Variants in FUT8 observed in about 807,000 individuals in gnomAD.
The protein encoded by FUT8 is alpha-(1,6)-fucosyltransferase.
In FUT8, 29 loss-of-function variants were observed where a neutral mutation model predicts 71.3. The observed-to-expected ratio is 0.41, with a 90% CI of 0.30 to 0.55. The LOEUF (loss-of-function observed/expected upper bound fraction) is 0.55. FUT8 is among the 20% of genes least tolerant of loss of function. FUT8 has a pLI of 0.34. For missense variants in FUT8, 544 were observed against 702.1 expected (o/e 0.77, Z 2.55); for synonymous variants, 254 against 239.3 (o/e 1.06, Z -0.57).
In FUT8 at chr14:65,652,185, G is replaced by GA. The variant is rs144088198; in HGVS notation, c.598-17055dup. ...GACTTCTGGCTTCCAGATCTGCCAA[G>GA]AAACCAAAAGACAGGATGAGAATCA... On this transcript the variant is annotated intron_variant, in intron 6 of 10. Transcript: ENST00000673929. This position sits in a 1 kb window ranked among gnomAD's most constrained non-coding sequence, Gnocchi z 4.0. 3.2e-3 allele frequency among the ~76,000 whole-genome samples: 493 copies of GA among 152,272 alleles called. 3 individuals carry two copies. In the East Asian group the frequency reaches 0.036, roughly 11 times the overall value.
At chr14:65,634,123 G>C (rs867158178) in intron 6 of FUT8, among the ~76,000 whole-genome samples, 2 of 152,112 alleles carry the variant, frequency 1.3e-5, no homozygotes, top group South Asian at 4.1e-4. Context: ...GAATAGAAAG[G>C]GGGGAAAGGT....
chr14:65,708,622 T>C (rs915394780), intron 7 of FUT8, among the ~76,000 whole-genome samples: 1 of 152,244 alleles, frequency 6.6e-6, no homozygotes, highest in African/African-American at 2.4e-5. Context: ...GTTTCCTTAA[T>C]TTCCTTTTGG....
chr14:65,509,250 T>C (rs1271403748), intron 2 of FUT8, among the ~76,000 whole-genome samples: 5 of 152,184 alleles, frequency 3.3e-5, no homozygotes, highest in African/African-American at 1.2e-4. Flanking sequence ...TGTGGATTTT[T>C]TTCTGGGTTC....
intron 7 of FUT8, among the ~76,000 whole-genome samples, chr14:65,699,403 G>A (rs2029873396): frequency 1.3e-5 from 2 of 152,046 alleles, no homozygotes; most frequent in South Asian, 4.2e-4. Context: ...GGATTGTTCT[G>A]GCAATTAAAA....
At position 65,643,239 on chromosome 14, in the gene FUT8, T is replaced by G. The variant is rs1363633664; in HGVS notation, c.597+13633T>G. Among the ~76,000 whole-genome samples, 2 of 152,196 alleles carry G rather than the reference T, an allele frequency of 1.3e-5. No individual in the cohort carries two copies. The highest frequency in any genetic ancestry group is 2.9e-5 in the Non-Finnish European group (2 of 68,036). On this transcript the variant is annotated intron_variant, in intron 6 of 10. Coordinates refer to ENST00000673929, the MANE Select transcript of FUT8 (RefSeq NM_001371533.1). The surrounding 1 kb of genome is among the most constrained non-coding windows in gnomAD (Gnocchi z 4.5). ...TTTTGACATTTTTCAGTTTACATAT[T>G]TTTATATATTCAAATTCTCTTAATT...
chr14:65,608,063 CAA>C (rs35942953), intron 3 of FUT8, among the ~76,000 whole-genome samples: 8 of 108,616 alleles, frequency 7.4e-5, no homozygotes, highest in Admixed American at 1.0e-4. Context: ...GACTCCGTCT[CAA>C]AAAAAAAAAA....
the FUT8 span, among the ~76,000 whole-genome samples, chr14:65,381,221 G>C: frequency 6.6e-6 from 1 of 152,082 alleles, no homozygotes; most frequent in South Asian, 2.1e-4. Context: ...TCAATAATAG[G>C]CTTTTTCTCT....
chr14:65,517,483 A>G (rs1055131126), intron 2 of FUT8, among the ~76,000 whole-genome samples: 3 of 152,166 alleles, frequency 2.0e-5, no homozygotes, highest in Non-Finnish European at 2.9e-5. Context: ...GATGCAAACC[A>G]GCATCGTTTC....
intron 1 of FUT8, among the ~76,000 whole-genome samples, chr14:65,431,802 C>G (rs1746863713): frequency 6.6e-6 from 1 of 151,954 alleles, no homozygotes; most frequent in Non-Finnish European, 1.5e-5. Flanking sequence ...GTTTTCATGG[C>G]TACCTCTTTT....
Position 65,721,875 on chromosome 14 carries a change from C to T in FUT8, c.936C>T (p.Leu312=), listed in dbSNP as rs142910369. ...TACCCTTGGCTGTACCAGAAGACCTCGCAGATCGACTTGTACGAGTGCATG... is the reference window on the plus strand; with the variant it reads ...TACCCTTGGCTGTACCAGAAGACCTTGCAGATCGACTTGTACGAGTGCATG... ...PYLPLAVPED[L]ADRLVRVHGD... is the part of the protein sequence containing the mutation. The change falls in exon 8 of 11, where the codon CTC becomes CTT. Residue 312 remains leucine (L), a synonymous_variant. Coordinates refer to ENST00000673929, the MANE Select transcript of FUT8 (RefSeq NM_001371533.1). The T allele has an allele frequency of 5.0e-4, 801 of 1,614,194 alleles. 6 individuals carry two copies. The East Asian group carries it at 9.9e-3, about 20-fold the overall frequency.
At chr14:65,498,345 T>C (rs1007182058) in intron 2 of FUT8, among the ~76,000 whole-genome samples, 1 of 152,326 alleles carries the variant, frequency 6.6e-6, no homozygotes, top group African/African-American at 2.4e-5. Flanking sequence ...AGTCTTTGCA[T>C]TGGTATCTTT....
intron 2 of FUT8, among the ~76,000 whole-genome samples, chr14:65,521,920 T>A (rs960380086): frequency 3.3e-5 from 5 of 151,784 alleles, no homozygotes; most frequent in African/African-American, 1.2e-4. Flanking sequence ...GCTACAGAGG[T>A]CTTTAGAGAT....
chr14:65,599,575 A>G (rs1271607754), intron 3 of FUT8, among the ~76,000 whole-genome samples: 3 of 152,222 alleles, frequency 2.0e-5, no homozygotes, highest in African/African-American at 7.2e-5. Context: ...GCTCTGTTTC[A>G]GGAAGCCCAT....
intron 3 of FUT8, among the ~76,000 whole-genome samples, chr14:65,566,411 G>A (rs139727378): frequency 7.6e-4 from 115 of 152,062 alleles, no homozygotes; most frequent in East Asian, 7.5e-3. Context: ...TTAACCTACC[G>A]TTCTCACCAC....
the FUT8 span, among the ~76,000 whole-genome samples, chr14:65,381,378 T>C: frequency 6.6e-6 from 1 of 152,200 alleles, no homozygotes; most frequent in Non-Finnish European, 1.5e-5. Flanking sequence ...TAATTAGTAA[T>C]GGTACCAGAG....
At chr14:65,404,472 T>G in the FUT8 span, among the ~76,000 whole-genome samples, 15 of 138,932 alleles carry the variant, frequency 1.1e-4, no homozygotes, top group Non-Finnish European at 2.2e-4. Context: ...GCACCCAGCG[T>G]TGTTTCTTTT....
At chr14:65,699,675 A>T (rs1180722071) in intron 7 of FUT8, among the ~76,000 whole-genome samples, 1 of 152,158 alleles carries the variant, frequency 6.6e-6, no homozygotes, top group Non-Finnish European at 1.5e-5. Flanking sequence ...AAGATCAGTT[A>T]TACTTTCTGC....
rs551026959 is a variant in FUT8 at position 65,559,607 on chromosome 14, A to T, written c.-227-1730A>T. On this transcript the variant is annotated intron_variant, in intron 2 of 10. Coordinates refer to ENST00000673929, the MANE Select transcript of FUT8 (RefSeq NM_001371533.1). ...ATAGTAACATTTTACAGTGTTGCAT[A>T]TGTTGTCTCAAAATTACTGTTAATT... Among the ~76,000 whole-genome samples, 21 of 151,592 alleles carry T rather than the reference A, an allele frequency of 1.4e-4. No homozygotes were observed. In the South Asian group the frequency reaches 4.4e-3, roughly 31 times the overall value.
chr14:65,599,653 A>G (rs1888197273), intron 3 of FUT8, among the ~76,000 whole-genome samples: 2 of 152,172 alleles, frequency 1.3e-5, no homozygotes, highest in Admixed American at 1.3e-4. Context: ...AAGGTTTACA[A>G]GTCCGTTTTC....
Sources: gnomAD v4.1 joint callset for allele counts (sites outside exome capture counted in the v4.1 genomes callset) on GRCh38, gnomAD v4.1.1 for gene constraint, Gnocchi (gnomAD v3.1) non-coding constraint, MANE v1.5 for transcripts, NCBI Gene and HGNC (gene_info 2026-07-23, HGNC 2026-07-21) for gene names.